Variants in UBP1 observed in about 807,000 individuals in gnomAD.
The protein encoded by UBP1 is upstream binding protein 1, also known as upstream-binding protein 1.
UBP1 carries 22 observed loss-of-function variants against 76.1 expected under a neutral mutation model. The observed-to-expected ratio is 0.29, with a 90% CI of 0.21 to 0.41. UBP1 has a LOEUF of 0.41. Ranked by LOEUF, UBP1 falls within the 10% of genes least tolerant of loss-of-function variation. The pLI is 1.00. For synonymous variants in UBP1, 224 were observed against 237.1 expected (o/e 0.94, Z 0.51); for missense variants, 436 against 668.1 (o/e 0.65, Z 3.83).
chr3:33,413,558 A>C (rs956651666), intron 3 of UBP1, among the ~76,000 whole-genome samples: 18 of 151,984 alleles, frequency 1.2e-4, no homozygotes, highest in African/African-American at 2.4e-4. Context: ...AAAAAAAAAA[A>C]AAAAAAACTT....
intron 3 of UBP1, among the ~76,000 whole-genome samples, chr3:33,413,743 G>C (rs1171016830): frequency 1.3e-5 from 2 of 151,964 alleles, no homozygotes; most frequent in African/African-American, 4.8e-5. Flanking sequence ...CATTTATAGG[G>C]CTCAGTGGCT....
intron 2 of UBP1, among the ~76,000 whole-genome samples, chr3:33,419,033 A>AT (rs1425221759): frequency 1.3e-5 from 2 of 152,136 alleles, no homozygotes; most frequent in Non-Finnish European, 2.9e-5. Context: ...CACTGAAATC[A>AT]TTTTTCACCT....
chr3:33,401,168 G>GC (rs2044215073), intron 9 of UBP1, 152 bp from the exon 10 acceptor site: 13 of 625,816 alleles, frequency 2.1e-5, no homozygotes, highest in Non-Finnish European at 2.9e-5. Flanking sequence ...AAATGCAAGC[G>GC]CAACAGCTTA....
chr3:33,423,364 T>C (rs984266473), intron 2 of UBP1, among the ~76,000 whole-genome samples: 1 of 152,230 alleles, frequency 6.6e-6, no homozygotes, highest in Non-Finnish European at 1.5e-5. Flanking sequence ...TACTAAAATG[T>C]ATGTTGTTTT....
intron 2 of UBP1, among the ~76,000 whole-genome samples, chr3:33,418,553 C>A (rs1436208467): frequency 6.6e-5 from 10 of 151,900 alleles, no homozygotes; most frequent in African/African-American, 2.4e-4. Flanking sequence ...GCCACCGCAC[C>A]CGGCCATAAG....
chr3:33,390,149 G>T lies in UBP1; in HGVS notation c.*182C>A. 1.6e-6 allele frequency: 1 copy of T among 625,762 alleles called. No individual in the cohort carries two copies. The allele number at this position is 625,762 out of a possible 1,614,324, so 38.8% of individuals were successfully genotyped here. A position where few individuals can be genotyped will look rare whatever the true frequency, so the allele number is the denominator to read the frequency against. ...GTGCTCACTCTCATGAGGATGCTTG[G>T]CTATGGCAGTGACAGTGAGGAGATT... On this transcript the variant is annotated 3_prime_UTR_variant, in exon 16 of 16. Coordinates refer to ENST00000283629, the MANE Select transcript of UBP1 (RefSeq NM_014517.5).
intron 1 of UBP1, among the ~76,000 whole-genome samples, chr3:33,429,503 T>C (rs2045078317): frequency 1.3e-5 from 2 of 152,176 alleles, no homozygotes; most frequent in Admixed American, 1.3e-4. Context: ...CTAATGTTTG[T>C]ATTTTTAGTA....
chr3:33,439,976 G>A lies in UBP1; in HGVS notation c.-128C>T, dbSNP rs2045265846. The A allele has an allele frequency of 2.1e-6, 2 of 970,586 alleles. No homozygotes were observed. The highest frequency in any genetic ancestry group is 2.9e-6 in the Non-Finnish European group (2 of 681,318). 60.1% of individuals were successfully genotyped at this position (970,586 alleles called of 1,614,324 possible). ...CCGGAGGGGCGGCGAGTGGTCACCA[G>A]CGGCGGCCGGGACGAGAGCTGCGGG... On this transcript the variant is annotated 5_prime_UTR_variant, in exon 1 of 16. Coordinates refer to ENST00000283629, the MANE Select transcript of UBP1 (RefSeq NM_014517.5).
intron 15 of UBP1, chr3:33,392,340 G>A (rs1158054927): frequency 2.2e-6 from 1 of 458,142 alleles, no homozygotes; most frequent in East Asian, 3.6e-5. Flanking sequence ...GACGTTGGCT[G>A]AATGAATTGA....
At chr3:33,417,299 C>T (rs796164314) in intron 2 of UBP1, among the ~76,000 whole-genome samples, 3 of 151,984 alleles carry the variant, frequency 2.0e-5, no homozygotes, top group South Asian at 2.1e-4. Context: ...CCCCACCCCC[C>T]ACCTGGCCAA....
intron 12 of UBP1, 182 bp from the exon 13 acceptor site, chr3:33,396,462 A>G (rs2043999943): frequency 5.8e-6 from 3 of 514,540 alleles, no homozygotes; most frequent in Admixed American, 3.3e-5. Context: ...CAACTATCAC[A>G]GGTGGTCTAA....
At chr3:33,399,986 G>T (rs1226564337) in intron 11 of UBP1, among the ~76,000 whole-genome samples, 1 of 152,172 alleles carries the variant, frequency 6.6e-6, no homozygotes, top group Non-Finnish European at 1.5e-5. Context: ...CTGAACCAAT[G>T]TCAACTGCCT....
intron 1 of UBP1, among the ~76,000 whole-genome samples, chr3:33,437,794 T>G (rs778826121): frequency 3.3e-5 from 5 of 152,348 alleles, no homozygotes; most frequent in Middle Eastern, 3.4e-3. Context: ...CAGGGAGGCC[T>G]GCAGCAGCTA....
At chr3:33,426,021 A>ATATATATG (rs2045009636) in intron 1 of UBP1, among the ~76,000 whole-genome samples, 2 of 102,876 alleles carry the variant, frequency 1.9e-5, no homozygotes, top group African/African-American at 7.0e-5. Context: ...ATATATATAT[A>ATATATATG]TATATATATA....
chr3:33,419,416 T>G lies in UBP1; in HGVS notation c.266-2582A>C, dbSNP rs1575481998. On this transcript the variant is annotated intron_variant, in intron 2 of 15. Transcript: ENST00000283629. ...AGGCTGAGGTGGGCGGATCACGAGG[T>G]CAGGAGTTTGAGACCAGCCTGGCCA... Among the ~76,000 whole-genome samples the G allele has an allele frequency of 2.6e-5, 4 of 151,642 alleles. No individual in the cohort carries two copies. The South Asian group carries it at 8.3e-4, about 32-fold the overall frequency.
At chr3:33,400,887 C>T in intron 10 of UBP1, 75 bp downstream of exon 10, 1 of 1,417,940 alleles carries the variant, frequency 7.1e-7, no homozygotes, top group Non-Finnish European at 9.7e-7. Context: ...CTACTCCATA[C>T]ATTTGCACAA....
In UBP1 at chr3:33,423,097, A is replaced by G. The variant is rs916173706; in HGVS notation, c.265+2493T>C. 5.3e-5 allele frequency among the ~76,000 whole-genome samples: 8 copies of G among 150,442 alleles called. No homozygotes were observed. In the East Asian group the frequency reaches 1.6e-3, roughly 29 times the overall value. On this transcript the variant is annotated intron_variant, in intron 2 of 15. Transcript: ENST00000283629. ...CGCTCTGTCACCCAGGCTGGAGTGC[A>G]GTGGTGTGATCTTGGCTCACTGCAA...
At chr3:33,407,538 GAATTT>G (rs1354268890) in intron 8 of UBP1, among the ~76,000 whole-genome samples, 2 of 141,588 alleles carry the variant, frequency 1.4e-5, no homozygotes, top group African/African-American at 5.4e-5. Flanking sequence ...TCTTTGATTC[GAATTT>G]ATTTAAAAAA....
At chr3:33,424,596 G>T (rs1287994148) in intron 2 of UBP1, among the ~76,000 whole-genome samples, 1 of 152,162 alleles carries the variant, frequency 6.6e-6, no homozygotes, top group Non-Finnish European at 1.5e-5. Flanking sequence ...GCATATAACA[G>T]TAAAAATGTT....
Sources: gnomAD v4.1 joint callset for allele counts (sites outside exome capture counted in the v4.1 genomes callset) on GRCh38, gnomAD v4.1.1 for gene constraint, MANE v1.5 for transcripts, NCBI Gene and HGNC (gene_info 2026-07-23, HGNC 2026-07-21) for gene names.